Variants in STPG2 observed in about 807,000 individuals in gnomAD.
STPG2 encodes sperm tail PG-rich repeat containing 2, also known as sperm-tail PG-rich repeat-containing protein 2.
A neutral mutation model predicts 54.2 loss-of-function variants in STPG2; 56 were observed. The ratio of observed to expected loss-of-function variants is 1.03; its 90% CI spans 0.83 to 1.29. STPG2 has a LOEUF of 1.29. Among genes scored for constraint, STPG2 ranks in the 50% most tolerant of loss-of-function variants. The pLI is 0.00. For missense variants in STPG2, 596 were observed against 544.9 expected (o/e 1.09, Z -0.93); for synonymous variants, 200 against 181.8 (o/e 1.10, Z -0.81).
At chr4:97,540,997 A>G (rs1011365279) in intron 4 of STPG2, among the ~76,000 whole-genome samples, 1 of 152,168 alleles carries the variant, frequency 6.6e-6, no homozygotes, top group Non-Finnish European at 1.5e-5. Flanking sequence ...TTTATGACAA[A>G]CCCACAGCCA....
intron 5 of STPG2, among the ~76,000 whole-genome samples, chr4:98,037,152 T>C (rs1736804373): frequency 6.6e-6 from 1 of 151,756 alleles, no homozygotes; most frequent in African/African-American, 2.4e-5. Context: ...ACTTTTCCAA[T>C]GAGTGAAAAA....
At chr4:97,969,935 T>G (rs1452762663) in intron 7 of STPG2, among the ~76,000 whole-genome samples, 1 of 151,864 alleles carries the variant, frequency 6.6e-6, no homozygotes, top group Non-Finnish European at 1.5e-5. Context: ...CCCAAAATCT[T>G]AAGCTGATAA....
chr4:97,444,020 A>G (rs2148792325), intron 4 of STPG2, among the ~76,000 whole-genome samples: 1 of 152,302 alleles, frequency 6.6e-6, no homozygotes, highest in African/African-American at 2.4e-5. Context: ...TGAAAATGTT[A>G]ACATTTAAAT....
At chr4:97,869,975 T>C (rs892440592) in intron 8 of STPG2, among the ~76,000 whole-genome samples, 3 of 151,528 alleles carry the variant, frequency 2.0e-5, no homozygotes, top group Non-Finnish European at 3.0e-5. Flanking sequence ...AATTACATCT[T>C]CCTTCATTTA....
chr4:97,519,784 T>C (rs1731145052), intron 4 of STPG2, among the ~76,000 whole-genome samples: 1 of 150,674 alleles, frequency 6.6e-6, no homozygotes, highest in African/African-American at 2.4e-5. Flanking sequence ...GAGGGAAGAT[T>C]AAAAGGGGAG....
intron 10 of STPG2, among the ~76,000 whole-genome samples, chr4:97,647,674 C>T (rs1036221077): frequency 3.9e-5 from 6 of 152,126 alleles, no homozygotes; most frequent in African/African-American, 1.4e-4. Context: ...AAGGGACGGG[C>T]CAAGCAGTGG....
chr4:97,679,355 T>C (rs1722954854), intron 10 of STPG2, among the ~76,000 whole-genome samples: 2 of 152,148 alleles, frequency 1.3e-5, no homozygotes. Context: ...GTGGTTTTGA[T>C]TTGCATTTCT....
rs141105395 is a variant in STPG2, at chr4:97,531,141, A to G, written c.462+181558T>C. ...TGAAATTATCAGAAAAATGCAAATT[A>G]AAACTAAAATGATATATCATCTCAT... On this transcript the variant is annotated intron_variant, in intron 4 of 4. Coordinates refer to the STPG2 transcript ENST00000522676. 2.4e-3 allele frequency among the ~76,000 whole-genome samples: 373 copies of G among 152,350 alleles called. 2 individuals are homozygous for G. Among genetic ancestry groups the G allele is most frequent in the African/African-American group, 8.6e-3 (356 of 41,582 alleles).
intron 5 of STPG2, among the ~76,000 whole-genome samples, chr4:98,087,401 CA>C (rs749302515): frequency 6.3e-4 from 96 of 152,138 alleles, no homozygotes; most frequent in Admixed American, 1.0e-3. Context: ...CAGTACTCAC[CA>C]AGACAGTCTC....
chr4:97,972,343 A>T lies in STPG2; in HGVS notation c.870T>A (p.Val290=). 1 of 1,611,128 alleles carries T rather than the reference A, an allele frequency of 6.2e-7. No individual in the cohort carries two copies. Among genetic ancestry groups the T allele is most frequent in the Non-Finnish European group, 8.5e-7 (1 of 1,178,420 alleles). ...TCTGAACCGAGAAGAAAGTCCGAGG[A>T]ACAGAAGAACCAAATGCACTTTTCT... The part of the protein sequence containing the change: ...KQKKSAFGSS[V]PRTFFSVQKE... The change falls in exon 7 of 11, where the codon GTT becomes GTA. Residue 290 remains valine (V), a synonymous_variant. Transcript: ENST00000295268.
chr4:97,560,489 A>G (rs1732198842), intron 10 of STPG2, among the ~76,000 whole-genome samples: 1 of 152,158 alleles, frequency 6.6e-6, no homozygotes, highest in Non-Finnish European at 1.5e-5. Context: ...TTGTAAATGT[A>G]AGGGAATATT....
intron 5 of STPG2, among the ~76,000 whole-genome samples, chr4:98,017,326 A>G (rs7672127): frequency 0.39 from 59,837 of 151,954 alleles, 11,981 homozygotes; most frequent in Middle Eastern, 0.46. Flanking sequence ...GTACCCACTG[A>G]TGTTGGCCTG....
chr4:97,758,263 G>A (rs572798976), intron 9 of STPG2, among the ~76,000 whole-genome samples: 114 of 152,272 alleles, frequency 7.5e-4, no homozygotes, highest in Non-Finnish European at 5.3e-4. Context: ...GGAGCAAAAG[G>A]ACTCTTATAA....
chr4:97,488,444 G>T (rs958216678), intron 4 of STPG2, among the ~76,000 whole-genome samples: 1 of 151,696 alleles, frequency 6.6e-6, no homozygotes, highest in African/African-American at 2.4e-5. Flanking sequence ...CATGCAATCT[G>T]TCCCTAAAAT....
intron 10 of STPG2, among the ~76,000 whole-genome samples, chr4:97,565,721 A>T (rs1444181212): frequency 6.6e-6 from 1 of 152,182 alleles, no homozygotes; most frequent in African/African-American, 2.4e-5. Flanking sequence ...TTGCCTGGGT[A>T]CCAGCAGCGG....
intron 10 of STPG2, among the ~76,000 whole-genome samples, chr4:97,711,949 A>G (rs1048103115): frequency 2.0e-5 from 3 of 152,104 alleles, no homozygotes; most frequent in African/African-American, 7.2e-5. Flanking sequence ...GATTACAGGC[A>G]TGAGACACTG....
chr4:97,542,011 A>G (rs1433147407), intron 4 of STPG2, among the ~76,000 whole-genome samples: 9 of 152,212 alleles, frequency 5.9e-5, no homozygotes, highest in Non-Finnish European at 1.3e-4. Flanking sequence ...CTAAAACCAT[A>G]AAAACCCTAG....
chr4:97,991,948 A>ACTTG, intron 5 of STPG2, among the ~76,000 whole-genome samples: 1 of 116,370 alleles, frequency 8.6e-6, no homozygotes, highest in Admixed American at 8.0e-5. Flanking sequence ...CTTTTTATGA[A>ACTTG]ATTGTTTTCT....
At chr4:97,554,995 A>G (rs1732045440), downstream of STPG2, among the ~76,000 whole-genome samples, 1 of 152,196 alleles carries the variant, frequency 6.6e-6, no homozygotes, top group Non-Finnish European at 1.5e-5. Context: ...TCACCCTTTT[A>G]CAAGTAAAAT....
Sources: gnomAD v4.1 joint callset for allele counts (sites outside exome capture counted in the v4.1 genomes callset) on GRCh38, gnomAD v4.1.1 for gene constraint, MANE v1.5 for transcripts, NCBI Gene and HGNC (gene_info 2026-07-23, HGNC 2026-07-21) for gene names.